DNAAF8: variants seen among roughly 807,000 people sequenced by gnomAD.
DNAAF8 encodes the protein dynein axonemal assembly factor 8, also known as dynein axonemal-associated protein 1.
Under a neutral mutation model 54.6 loss-of-function variants are expected in DNAAF8, and 61 were observed. The observed-to-expected ratio is 1.12, with a 90% CI of 0.91 to 1.38. The LOEUF is 1.38. Among genes scored for constraint, DNAAF8 ranks in the 40% most tolerant of loss-of-function variants. The pLI, the probability that DNAAF8 is intolerant of heterozygous loss-of-function variation, is 0.00. For missense variants in DNAAF8, 837 were observed against 665.0 expected (o/e 1.26, Z -2.85); for synonymous variants, 320 against 270.1 (o/e 1.18, Z -1.81).
intron 5 of DNAAF8, among the ~76,000 whole-genome samples, chr16:4,744,327 G>A (rs2142210022): frequency 6.6e-6 from 1 of 152,298 alleles, no homozygotes; most frequent in East Asian, 1.9e-4. Flanking sequence ...GTAAAGATGT[G>A]TGTTCAGAGC....
chr16:4,743,644 C>T (rs1316181235), intron 5 of DNAAF8: 1 of 152,628 alleles, frequency 6.6e-6, no homozygotes, highest in African/African-American at 2.4e-5. Flanking sequence ...GAAAGTTCTC[C>T]AACCCCTCCC....
chr16:4,745,022 T>C lies in DNAAF8; in HGVS notation c.1043+11T>C, dbSNP rs781553015. On this transcript the variant is annotated intron_variant, in intron 6 of 9. Transcript: ENST00000299320. ...AGATTCAGGAAGCAGGTGGGACTTG[T>C]AGCCAGGCCCGGCTCCTGTGGTCCT... The C allele has an allele frequency of 1.7e-5, 28 of 1,611,684 alleles. No homozygotes were observed. In the Admixed American group the frequency reaches 4.3e-4, roughly 25 times the overall value.
At chr16:4,746,849 C>A in intron 7 of DNAAF8, 78 bp from the exon 8 acceptor site, 1 of 1,327,460 alleles carries the variant, frequency 7.5e-7, no homozygotes, top group Non-Finnish European at 1.0e-6. Context: ...CAGCAAAGCC[C>A]GAGTGCTTCA....
In DNAAF8 at chr16:4,744,939, A is replaced by G. The variant is rs754045501; in HGVS notation, c.971A>G (p.Lys324Arg). The G allele has an allele frequency of 5.5e-5, 89 of 1,613,912 alleles. No individual in the cohort carries two copies. In the East Asian group the frequency reaches 1.9e-3, roughly 35 times the overall value. Residue 324 changes from lysine to arginine, a missense_variant, in exon 6 of 10, where the codon AAG becomes AGG. Physicochemically the swap from Lys to Arg is conservative, Grantham distance 26. Transcript: ENST00000299320. ...QLALLCTTQSKASACARKVPA... is the reference protein window; with the variant it reads ...QLALLCTTQSRASACARKVPA... The stretch of plus-strand genomic sequence containing the variant: ...GCCCTCCTGTGCACCACGCAGTCCA[A>G]GGCCTCTGCTTGTGCCCGGAAGGTG...
chr16:4,736,719 G>C (rs1048940359), intron 2 of DNAAF8, 76 bp downstream of exon 2: 1 of 1,331,690 alleles, frequency 7.5e-7, no homozygotes, highest in Non-Finnish European at 9.9e-7. Flanking sequence ...GACAGCTTTG[G>C]AGCACTTCTC....
chr16:4,746,452 C>T lies in DNAAF8; in HGVS notation c.1121C>T (p.Ser374Phe). The T allele has an allele frequency of 6.2e-7, 1 of 1,613,696 alleles. No individual in the cohort carries two copies. The highest frequency in any genetic ancestry group is 8.5e-7 in the Non-Finnish European group (1 of 1,179,918). Residue 374 changes from serine to phenylalanine, a missense_variant, in exon 7 of 10, where the codon TCC becomes TTC. Transcript: ENST00000299320. ...LAQGMRLNAE[S>F]PTIFIDLRQM... ...CAGGGCATGAGGCTTAACGCAGAGT[C>T]CCCCACCATCTTTATTGACCTGCGG...
At chr16:4,743,321 A>C in intron 5 of DNAAF8, 161 bp downstream of exon 5, 1 of 558,088 alleles carries the variant, frequency 1.8e-6, no homozygotes. Context: ...CAGTCCCCAA[A>C]AGACTTCATT....
intron 1 of DNAAF8, among the ~76,000 whole-genome samples, 188 bp from the exon 2 acceptor site, chr16:4,736,276 T>TG (rs1393658038): frequency 6.6e-5 from 8 of 122,052 alleles, no homozygotes; most frequent in East Asian, 2.6e-4. Flanking sequence ...TGTGCATGAG[T>TG]GGGAACACAC....
chr16:4,738,056 T>C, intron 3 of DNAAF8, 110 bp downstream of exon 3: 2 of 1,290,690 alleles, frequency 1.5e-6, no homozygotes, highest in South Asian at 3.3e-5. Flanking sequence ...ACATGGTCCT[T>C]TTTTTTTTCC....
At chr16:4,735,604 T>C (rs557980219) in intron 1 of DNAAF8, among the ~76,000 whole-genome samples, 1 of 148,970 alleles carries the variant, frequency 6.7e-6, no homozygotes, top group Non-Finnish European at 1.5e-5. Flanking sequence ...GACTCTAAGA[T>C]ATAAATGCAG....
At chr16:4,745,693 A>G (rs2082005832) in intron 6 of DNAAF8, among the ~76,000 whole-genome samples, 1 of 152,298 alleles carries the variant, frequency 6.6e-6, no homozygotes, top group African/African-American at 2.4e-5. Context: ...GCTCATGCCT[A>G]TAATCCCGGC....
rs756159698 is a variant in DNAAF8, at chr16:4,741,233, CA to C, written c.783+589del. ...TGGGTGACAGAGCGAGACTCCATCT[CA>C]AAAAAAAAAAAAAAGAAAGAAAGAA... is the stretch of plus-strand genomic sequence containing the variant. On this transcript the variant is annotated intron_variant, in intron 4 of 9. Transcript: ENST00000299320. Among the ~76,000 whole-genome samples, 466 of 70,810 alleles carry C rather than the reference CA, an allele frequency of 6.6e-3. 1 individual carries two copies. The highest frequency in any genetic ancestry group is 0.031 in the Middle Eastern group (3 of 96). 46.5% of individuals were successfully genotyped at this position (70,810 alleles called of 152,430 possible).
chr16:4,746,252 C>G (rs1236892719), intron 6 of DNAAF8, 123 bp from the exon 7 acceptor site: 1 of 1,067,652 alleles, frequency 9.4e-7, no homozygotes, highest in Non-Finnish European at 1.4e-6. Context: ...TTAATGTGCC[C>G]GTCTGTAGAG....
At chr16:4,738,936 C>G (rs2081926937) in intron 3 of DNAAF8, among the ~76,000 whole-genome samples, 1 of 152,046 alleles carries the variant, frequency 6.6e-6, no homozygotes, top group Non-Finnish European at 1.5e-5. Flanking sequence ...CACTAACCCA[C>G]TTCCAAAATG....
At chr16:4,737,995 C>T (rs2081917492) in intron 3 of DNAAF8, 49 bp downstream of exon 3, 1 of 1,580,782 alleles carries the variant, frequency 6.3e-7, no homozygotes, top group African/African-American at 1.3e-5. Context: ...CGATGTTAGT[C>T]TAAACTGACT....
Position 4,747,487 on chromosome 16 carries a change from G to A in DNAAF8, c.1425G>A (p.Arg475=). The A allele has an allele frequency of 6.2e-7, 1 of 1,613,298 alleles. No individual in the cohort carries two copies. Among genetic ancestry groups the A allele is most frequent in the Non-Finnish European group, 8.5e-7 (1 of 1,179,982 alleles). Residue 475 remains arginine (R), a synonymous_variant, in exon 9 of 10, where the codon AGG becomes AGA. Coordinates refer to ENST00000299320, the MANE Select transcript of DNAAF8 (RefSeq NM_139170.3). ...ACACAGCTGGATCACGAACTGGGAG[G>A]AAGCAACACATGAAGCTCTGTGCCA... ...PEDTAGSRTG[R]KQHMKLCAKG...
At position 4,740,243 on chromosome 16, in the gene DNAAF8, C is replaced by T. The variant is rs781046898; in HGVS notation, c.367C>T (p.Pro123Ser). 1.9e-6 allele frequency: 3 copies of T among 1,613,970 alleles called. No homozygotes were observed. The East Asian group carries it at 6.7e-5, about 36-fold the overall frequency. Residue 123 changes from proline to serine, a missense_variant, in exon 4 of 10, where the codon CCT (proline) becomes TCT (serine). Physicochemically the swap from Pro to Ser is moderately conservative, Grantham distance 74 (BLOSUM62 -1). Transcript: ENST00000299320. ...KDASSQEGRD[P>S]GRPFESSGEV... ...TGCATCCTCTCAGGAAGGAAGAGAC[C>T]CTGGCAGGCCTTTTGAAAGCTCTGG...
chr16:4,746,400 C>T lies in DNAAF8; in HGVS notation c.1069C>T (p.Gln357Ter), dbSNP rs775139596. ...ATGTGCCTCAAGGAAGCAGGGCTCC[C>T]AGGCTGGGCCAGGCCCGCAGCTGGC... ...SRCASRKQGS[Q>*]AGPGPQLAQG... Residue 357 changes from glutamine (Q) to a stop codon, truncating the protein, a stop_gained, in exon 7 of 10, where the codon CAG becomes TAG. Coordinates refer to ENST00000299320, the MANE Select transcript of DNAAF8 (RefSeq NM_139170.3). LOFTEE classifies it high-confidence loss of function. 1.1e-5 allele frequency: 18 copies of T among 1,612,730 alleles called. No homozygotes were observed. Among genetic ancestry groups the T allele is most frequent in the Non-Finnish European group, 1.5e-5 (18 of 1,179,534 alleles).
At chr16:4,738,883 C>T (rs1480945095) in intron 3 of DNAAF8, among the ~76,000 whole-genome samples, 1 of 151,550 alleles carries the variant, frequency 6.6e-6, no homozygotes, top group Non-Finnish European at 1.5e-5. Context: ...GAGACTCCAT[C>T]TAAAAAAAAA....
Sources: gnomAD v4.1 joint callset for allele counts (sites outside exome capture counted in the v4.1 genomes callset) on GRCh38, gnomAD v4.1.1 for gene constraint, MANE v1.5 for transcripts, NCBI Gene and HGNC (gene_info 2026-07-23, HGNC 2026-07-21) for gene names.